Variants in VRK2 observed in about 807,000 individuals in gnomAD.
The protein encoded by VRK2 is VRK serine/threonine kinase 2.
In VRK2, 60 loss-of-function variants were observed where a neutral mutation model predicts 57.6. The observed-to-expected ratio is 1.04, with a 90% CI of 0.85 to 1.29. The LOEUF is 1.29. VRK2 is among the 50% of genes most tolerant of loss of function. The pLI is 0.00. For synonymous variants in VRK2, 231 were observed against 199.2 expected (o/e 1.16, Z -1.35); for missense variants, 705 against 588.1 (o/e 1.20, Z -2.06).
At chr2:58,049,096 G>A in intron 2 of VRK2, 129 bp downstream of exon 2, 12 of 1,158,808 alleles carry the variant, frequency 1.0e-5, no homozygotes, top group Middle Eastern at 2.6e-4. Context: ...GATTGTACTC[G>A]ATTAAGTAAT....
chr2:58,082,233 T>C (rs1342781739), intron 2 of VRK2, among the ~76,000 whole-genome samples: 1 of 151,944 alleles, frequency 6.6e-6, no homozygotes, highest in Non-Finnish European at 1.5e-5. Context: ...GATATAATGA[T>C]TGAAATAGGC....
At chr2:57,992,532 G>A (rs948514890) in intron 1 of VRK2, among the ~76,000 whole-genome samples, 5 of 151,438 alleles carry the variant, frequency 3.3e-5, no homozygotes, top group Admixed American at 1.3e-4. Flanking sequence ...ATTCAGTGTT[G>A]TTTCTTTTTT....
chr2:58,006,884 T>C (rs1209847823), intron 1 of VRK2, among the ~76,000 whole-genome samples: 1 of 152,106 alleles, frequency 6.6e-6, no homozygotes, highest in Admixed American at 6.6e-5. Context: ...GTCATAGAAA[T>C]GGAGAGTCAT....
chr2:58,028,903 A>AATATATATATATATATATATATATAT (rs58729342), intron 2 of VRK2, among the ~76,000 whole-genome samples: 1 of 54,022 alleles, frequency 1.9e-5, no homozygotes, highest in Non-Finnish European at 3.5e-5. Flanking sequence ...TAAATAAATA[A>AATATATATATATATATATATATATAT]ATATATATAT....
At chr2:58,082,972 G>T (rs1318287089) in intron 2 of VRK2, among the ~76,000 whole-genome samples, 1 of 151,268 alleles carries the variant, frequency 6.6e-6, no homozygotes, top group Non-Finnish European at 1.5e-5. Flanking sequence ...TGAATTAATG[G>T]AAAAAAGAGA....
intron 2 of VRK2, among the ~76,000 whole-genome samples, chr2:58,072,622 G>T (rs183018023): frequency 6.6e-6 from 1 of 151,982 alleles, no homozygotes; most frequent in East Asian, 1.9e-4. Flanking sequence ...TTAAGTTGTG[G>T]TGTTTAAATC....
At chr2:57,966,563 T>C (rs1189390692) in intron 1 of VRK2, among the ~76,000 whole-genome samples, 1 of 152,100 alleles carries the variant, frequency 6.6e-6, no homozygotes, top group Non-Finnish European at 1.5e-5. Flanking sequence ...TGGCGACAAC[T>C]CACAAGGAAT....
At chr2:58,137,101 AT>A (rs1680323352) in intron 10 of VRK2, among the ~76,000 whole-genome samples, 1 of 120,874 alleles carries the variant, frequency 8.3e-6, no homozygotes, top group Non-Finnish European at 1.6e-5. Flanking sequence ...TATATATCAT[AT>A]ATATAACATA....
At chr2:58,013,858 C>CAAAAA (rs60604486) in intron 1 of VRK2, among the ~76,000 whole-genome samples, 18 of 62,748 alleles carry the variant, frequency 2.9e-4, no homozygotes, top group East Asian at 1.1e-3. Context: ...GACTCCGTCT[C>CAAAAA]AAAAAAAAAA....
intron 1 of VRK2, among the ~76,000 whole-genome samples, chr2:57,972,846 T>G (rs533489244): frequency 1.3e-5 from 2 of 152,038 alleles, no homozygotes; most frequent in Admixed American, 1.3e-4. Flanking sequence ...TTATTCCATA[T>G]GTATGTATAA....
chr2:58,002,697 G>T (rs1256004204), intron 1 of VRK2, among the ~76,000 whole-genome samples: 1 of 152,128 alleles, frequency 6.6e-6, no homozygotes, highest in Non-Finnish European at 1.5e-5. Context: ...AAAAGAATTG[G>T]TCCAAATTTA....
At chr2:58,023,477 C>A (rs1459653558) in intron 1 of VRK2, among the ~76,000 whole-genome samples, 4 of 152,028 alleles carry the variant, frequency 2.6e-5, no homozygotes, top group Non-Finnish European at 4.4e-5. Flanking sequence ...CTATGAACAT[C>A]CGTATATATG....
chr2:58,073,821 A>G (rs1669691234), intron 2 of VRK2, among the ~76,000 whole-genome samples: 1 of 152,002 alleles, frequency 6.6e-6, no homozygotes, highest in Non-Finnish European at 1.5e-5. Flanking sequence ...GAGGGCAGGA[A>G]GCATCCAGCA....
chr2:58,090,084 C>T (rs894249252), intron 7 of VRK2, among the ~76,000 whole-genome samples: 2 of 151,004 alleles, frequency 1.3e-5, no homozygotes, highest in African/African-American at 2.4e-5. Context: ...TCATTTCCTA[C>T]TGTATAACCA....
chr2:58,026,910 G>GT (rs1673946638), intron 2 of VRK2: 1 of 146,062 alleles, frequency 6.8e-6, no homozygotes, highest in African/African-American at 2.5e-5. Flanking sequence ...TTGTTTGTTT[G>GT]TAGAGATGGG....
At chr2:57,925,998 C>T (rs1304558864) in intron 1 of VRK2, among the ~76,000 whole-genome samples, 1 of 151,948 alleles carries the variant, frequency 6.6e-6, no homozygotes, top group Non-Finnish European at 1.5e-5. Flanking sequence ...ACTGGTCATT[C>T]AGGAGCATAC....
chr2:57,982,310 G>T (rs192460637), intron 1 of VRK2, among the ~76,000 whole-genome samples: 37 of 152,340 alleles, frequency 2.4e-4, no homozygotes, highest in Non-Finnish European at 4.4e-5. Context: ...AATGGGGGCT[G>T]CTGGCAAAAG....
At chr2:58,068,811 GAAAAA>G (rs60586801) in intron 2 of VRK2, among the ~76,000 whole-genome samples, 2 of 129,714 alleles carry the variant, frequency 1.5e-5, no homozygotes, top group South Asian at 2.6e-4. Context: ...ACCCCCTCAG[GAAAAA>G]AAAAAAAAAA....
At chr2:58,100,311 A>T in intron 7 of VRK2, among the ~76,000 whole-genome samples, 1 of 151,952 alleles carries the variant, frequency 6.6e-6, no homozygotes, top group East Asian at 1.9e-4. Context: ...ACCATCTATA[A>T]AATTTAGTTT....
Sources: allele counts gnomAD v4.1 joint callset (sites outside exome capture counted in the v4.1 genomes callset), GRCh38; gene constraint gnomAD v4.1.1; transcripts MANE v1.5; gene names NCBI Gene and HGNC (gene_info 2026-07-23, HGNC 2026-07-21).